ZSCAN5A: variants seen among roughly 807,000 people sequenced by gnomAD.
ZSCAN5A encodes the protein zinc finger and SCAN domain-containing protein 5A.
In ZSCAN5A, 12 loss-of-function variants were observed where a neutral mutation model predicts 23.7. The ratio of observed to expected loss-of-function variants is 0.51; its 90% CI spans 0.32 to 0.82. The LOEUF is 0.82. Among genes scored for constraint, ZSCAN5A ranks in the 40% least tolerant of loss-of-function variants. The pLI is 0.03. For synonymous variants in ZSCAN5A, 257 were observed against 239.9 expected (o/e 1.07, Z -0.66); for missense variants, 597 against 617.9 (o/e 0.97, Z 0.36).
At position 56,357,942 on chromosome 19, in the gene ZSCAN5A, G is replaced by A. The variant is rs538566478; in HGVS notation, c.-358+5293C>T. The stretch of plus-strand genomic sequence containing the variant: ...AAATTTACCAAGCAAATGGAAAGCA[G>A]AAACAAGCAGGGGTTGCAATCCTAG... On this transcript the variant is annotated intron_variant, in intron 2 of 6. Coordinates refer to the ZSCAN5A transcript ENST00000587340. Among the ~76,000 whole-genome samples the A allele has an allele frequency of 2.7e-5, 4 of 148,384 alleles. 1 individual carries two copies. Among genetic ancestry groups the A allele is most frequent in the African/African-American group, 1.0e-4 (4 of 39,314 alleles).
At chr19:56,255,175 C>T (rs1237998433) in intron 2 of ZSCAN5A, among the ~76,000 whole-genome samples, 1 of 152,098 alleles carries the variant, frequency 6.6e-6, no homozygotes, top group Non-Finnish European at 1.5e-5. Flanking sequence ...TTTAAAGCTG[C>T]TCCCATTGGA....
chr19:56,288,107 C>T (rs2039261092), intron 2 of ZSCAN5A, among the ~76,000 whole-genome samples: 1 of 152,102 alleles, frequency 6.6e-6, no homozygotes, highest in African/African-American at 2.4e-5. Flanking sequence ...GAGCACAGGC[C>T]CAAATGGGTC....
chr19:56,359,190 A>G (rs1486065489), intron 2 of ZSCAN5A, among the ~76,000 whole-genome samples: 1 of 152,190 alleles, frequency 6.6e-6, no homozygotes, highest in East Asian at 1.9e-4. Context: ...TAGCTAGACT[A>G]ATAAAGAAAA....
chr19:56,265,956 G>A (rs1008959809), intron 2 of ZSCAN5A, among the ~76,000 whole-genome samples: 1 of 152,150 alleles, frequency 6.6e-6, no homozygotes, highest in Non-Finnish European at 1.5e-5. Flanking sequence ...ACCACATACA[G>A]TGGAGCAGAG....
intron 2 of ZSCAN5A, chr19:56,263,777 TAAG>T (rs1327159331): frequency 2.0e-5 from 3 of 152,056 alleles, no homozygotes; most frequent in Admixed American, 2.0e-4. Context: ...ATAGATTTCA[TAAG>T]AACCTCTGAG....
chr19:56,362,971 T>C (rs1370512073), intron 2 of ZSCAN5A, among the ~76,000 whole-genome samples: 1 of 152,134 alleles, frequency 6.6e-6, no homozygotes, highest in Non-Finnish European at 1.5e-5. Context: ...AAACATATTT[T>C]AAAATACAAC....
intron 2 of ZSCAN5A, among the ~76,000 whole-genome samples, chr19:56,344,169 A>C (rs1316746102): frequency 1.3e-5 from 2 of 152,254 alleles, no homozygotes; most frequent in African/African-American, 4.8e-5. Context: ...TAGGCCAAAC[A>C]AACTTTGGGA....
upstream of ZSCAN5A, among the ~76,000 whole-genome samples, chr19:56,318,689 G>A (rs890248059): frequency 5.9e-5 from 9 of 152,104 alleles, no homozygotes; most frequent in Non-Finnish European, 1.2e-4. Flanking sequence ...TGATAACACC[G>A]TATATTTAAT....
intron 2 of ZSCAN5A, chr19:56,320,204 A>T: frequency 1.5e-6 from 1 of 645,526 alleles, no homozygotes; most frequent in South Asian, 1.4e-5. Context: ...TCTTATAATC[A>T]TCTCAATTCT....
intron 2 of ZSCAN5A, chr19:56,322,245 C>G: frequency 9.1e-7 from 1 of 1,104,022 alleles, no homozygotes; most frequent in Non-Finnish European, 1.4e-6. Context: ...TGAGAAAGTC[C>G]TAAAACAGTT....
chr19:56,265,688 A>C (rs184002222), intron 2 of ZSCAN5A, among the ~76,000 whole-genome samples: 10 of 151,986 alleles, frequency 6.6e-5, no homozygotes, highest in African/African-American at 2.4e-4. Context: ...GAAAGAGTGA[A>C]GCCTGGGAAA....
chr19:56,354,820 G>A (rs2041691600), intron 2 of ZSCAN5A, among the ~76,000 whole-genome samples: 1 of 152,178 alleles, frequency 6.6e-6, no homozygotes, highest in African/African-American at 2.4e-5. Context: ...TCTGACGGCT[G>A]AATGACTGTG....
At chr19:56,288,454 C>G (rs2147130441) in intron 2 of ZSCAN5A, among the ~76,000 whole-genome samples, 1 of 152,300 alleles carries the variant, frequency 6.6e-6, no homozygotes, top group South Asian at 2.1e-4. Context: ...CAACCATCAC[C>G]CCCTTATAGG....
At position 56,237,994 on chromosome 19, in the gene ZSCAN5A, T is replaced by TGG. The variant is rs369289497; in HGVS notation, c.-127-12822_-127-12821insCC. Reference sequence around the variant, plus strand: ...ACACGGACACACACACATACACACATACGCACACATACACACACACGTCAA... The same window carrying TGG: ...ACACGGACACACACACATACACACATGGACGCACACATACACACACACGTCAA... On this transcript the variant is annotated intron_variant, in intron 2 of 5. Coordinates refer to ENST00000683990, the MANE Select transcript of ZSCAN5A (RefSeq NM_001322064.3). Among the ~76,000 whole-genome samples, 93 of 41,398 alleles carry TGG rather than the reference T, an allele frequency of 2.2e-3. 3 individuals are homozygous for TGG. Among genetic ancestry groups the TGG allele is most frequent in the Admixed American group, 3.7e-3 (13 of 3,518 alleles). 27.2% of individuals were successfully genotyped at this position (41,398 alleles called of 152,430 possible).
Position 56,297,493 on chromosome 19 carries a change from C to T in ZSCAN5A, c.-128+15790G>A, listed in dbSNP as rs375703312. On this transcript the variant is annotated intron_variant, in intron 2 of 5. Coordinates refer to ENST00000683990, the MANE Select transcript of ZSCAN5A (RefSeq NM_001322064.3). ...TCCTGCTTCTTTTTCTCCTCCATCT[C>T]TTCATTTTTAGAAGAAACAAGTGGC... 5.1e-6 allele frequency: 5 copies of T among 983,014 alleles called. No individual in the cohort carries two copies. In the African/African-American group the frequency reaches 7.0e-5, roughly 14 times the overall value. 60.9% of individuals were successfully genotyped at this position (983,014 alleles called of 1,614,324 possible).
chr19:56,358,412 C>A, intron 2 of ZSCAN5A, among the ~76,000 whole-genome samples: 1 of 149,300 alleles, frequency 6.7e-6, no homozygotes, highest in South Asian at 2.1e-4. Flanking sequence ...TGAGCCTCCA[C>A]GCCCAGCCCA....
At chr19:56,328,200 A>G (rs1056222892) in intron 2 of ZSCAN5A, among the ~76,000 whole-genome samples, 3 of 152,134 alleles carry the variant, frequency 2.0e-5, no homozygotes, top group Admixed American at 2.0e-4. Context: ...ATGTTTTATA[A>G]CTGACATGTA....
intron 2 of ZSCAN5A, among the ~76,000 whole-genome samples, chr19:56,279,557 CG>C (rs1411213803): frequency 6.6e-6 from 1 of 152,170 alleles, no homozygotes; most frequent in Admixed American, 6.5e-5. Flanking sequence ...TTTTCAAAAT[CG>C]TAAGTGTCCC....
At chr19:56,232,028 C>T (rs980451575) in intron 2 of ZSCAN5A, among the ~76,000 whole-genome samples, 4 of 111,510 alleles carry the variant, frequency 3.6e-5, no homozygotes, top group Admixed American at 2.6e-4. Flanking sequence ...TGCTCTGTTG[C>T]CCAGGCTGCA....
Sources: gnomAD v4.1 joint callset for allele counts (sites outside exome capture counted in the v4.1 genomes callset) on GRCh38, gnomAD v4.1.1 for gene constraint, MANE v1.5 for transcripts, NCBI Gene and HGNC (gene_info 2026-07-23, HGNC 2026-07-21) for gene names.